The following PLCG2 variants were observed in gnomAD, a reference collection of about 807,000 sequenced individuals.
The protein encoded by PLCG2 is phospholipase C gamma 2.
Under a neutral mutation model 175.6 loss-of-function variants are expected in PLCG2, and 69 were observed. That is an observed-to-expected ratio of 0.39 (90% CI 0.32 to 0.48). PLCG2 has a LOEUF of 0.48. Ranked by LOEUF, PLCG2 falls within the 20% of genes least tolerant of loss-of-function variation. The pLI, the probability that PLCG2 is intolerant of heterozygous loss-of-function variation, is 0.91. For synonymous variants in PLCG2, 827 were observed against 624.0 expected, an observed-to-expected ratio of 1.33 and a Z score of -4.85; for missense variants, 1,798 against 1,650.9, an observed-to-expected ratio of 1.09 and a Z score of -1.54.
intron 2 of PLCG2, among the ~76,000 whole-genome samples, chr16:81,823,866 C>G (rs1439860805): frequency 6.6e-6 from 1 of 151,506 alleles, no homozygotes; most frequent in Non-Finnish European, 1.5e-5. Context: ...TCCTTCTTTT[C>G]TTTTCTTTTT....
intron 5 of PLCG2, among the ~76,000 whole-genome samples, chr16:81,865,493 G>A (rs1280175332): frequency 1.3e-5 from 2 of 152,296 alleles, no homozygotes; most frequent in Admixed American, 1.3e-4. Context: ...GGACCAGGTG[G>A]GCTCCCATGT....
At chr16:81,871,673 A>C (rs758534540) in intron 7 of PLCG2, among the ~76,000 whole-genome samples, 7 of 152,132 alleles carry the variant, frequency 4.6e-5, no homozygotes, top group Non-Finnish European at 1.0e-4. Flanking sequence ...TTATGAGGGC[A>C]TATTTTTTGA....
intron 2 of PLCG2, among the ~76,000 whole-genome samples, chr16:81,802,137 G>A (rs1422410272): frequency 2.0e-5 from 1 of 49,986 alleles, no homozygotes; most frequent in Middle Eastern, 0.018. Flanking sequence ...TTTTTGAGAC[G>A]GATCTCGCTC....
intron 25 of PLCG2, among the ~76,000 whole-genome samples, chr16:81,932,547 T>C (rs1181788278): frequency 6.6e-6 from 1 of 152,226 alleles, no homozygotes; most frequent in Non-Finnish European, 1.5e-5. Context: ...TTGTGCCCTC[T>C]GACTTCTGGC....
intron 15 of PLCG2, among the ~76,000 whole-genome samples, chr16:81,906,780 C>T (rs1021375565): frequency 2.0e-5 from 3 of 152,194 alleles, no homozygotes; most frequent in Admixed American, 1.3e-4. Context: ...TGGCTCATGC[C>T]TATAATCCTA....
chr16:81,847,428 C>T (rs1464100585), intron 2 of PLCG2, among the ~76,000 whole-genome samples: 3 of 152,010 alleles, frequency 2.0e-5, no homozygotes, highest in Admixed American at 1.3e-4. Flanking sequence ...CCTTCCTGGA[C>T]GTTGGGGGTA....
intron 2 of PLCG2, among the ~76,000 whole-genome samples, chr16:81,825,097 C>T (rs1445186223): frequency 1.3e-5 from 2 of 152,150 alleles, no homozygotes; most frequent in African/African-American, 2.4e-5. Context: ...CTGCTGACTC[C>T]TTGGTCTTAG....
intron 2 of PLCG2, among the ~76,000 whole-genome samples, chr16:81,772,558 C>G (rs979041518): frequency 1.3e-5 from 2 of 151,824 alleles, no homozygotes; most frequent in African/African-American, 4.8e-5. Flanking sequence ...GCCTATAATC[C>G]CAGCACTTTG....
intron 17 of PLCG2, among the ~76,000 whole-genome samples, chr16:81,910,292 T>C (rs781692628): frequency 3.3e-5 from 5 of 152,172 alleles, no homozygotes; most frequent in Non-Finnish European, 7.4e-5. Context: ...GATTTCACTG[T>C]ATTGGCCAGG....
intron 31 of PLCG2, among the ~76,000 whole-genome samples, chr16:81,949,589 G>A (rs1911286561): frequency 6.6e-6 from 1 of 152,138 alleles, no homozygotes; most frequent in Non-Finnish European, 1.5e-5. Context: ...GAAATCTTGA[G>A]GCAGCCCCTG....
At chr16:81,859,020 A>C in intron 4 of PLCG2, 96 bp from the exon 5 acceptor site, 1 of 721,950 alleles carries the variant, frequency 1.4e-6, no homozygotes, top group Non-Finnish European at 2.4e-6. Context: ...TTTTGGTTCC[A>C]GTTCCTTTTG....
At chr16:81,882,760 C>G (rs1372691839) in intron 8 of PLCG2, among the ~76,000 whole-genome samples, 2 of 152,028 alleles carry the variant, frequency 1.3e-5, no homozygotes, top group Non-Finnish European at 2.9e-5. Flanking sequence ...GCTCACCCCA[C>G]CTCATTCTGG....
chr16:81,846,408 A>G (rs958899248), intron 2 of PLCG2, among the ~76,000 whole-genome samples: 1 of 152,182 alleles, frequency 6.6e-6, no homozygotes, highest in African/African-American at 2.4e-5. Context: ...CCCAGTAAAC[A>G]CTTGAGCAAG....
At chr16:81,801,078 A>G (rs899823440) in intron 2 of PLCG2, among the ~76,000 whole-genome samples, 3 of 152,096 alleles carry the variant, frequency 2.0e-5, no homozygotes, top group Non-Finnish European at 4.4e-5. Context: ...GCCCCATGAG[A>G]CTCATGACTT....
Position 81,768,841 on chromosome 16 carries a change from A to G in PLCG2, c.-48+12875A>G, listed in dbSNP as rs548633591. ...CTCGGCCTCCCAAAGTACTGGGATTACAGGTGTGAGCCACCGTGCCCAGCC... is the reference window on the plus strand; with the variant it reads ...CTCGGCCTCCCAAAGTACTGGGATTGCAGGTGTGAGCCACCGTGCCCAGCC... On this transcript the variant is annotated intron_variant, in intron 2 of 5. Coordinates refer to the PLCG2 transcript ENST00000565054. Among the ~76,000 whole-genome samples, 7 of 152,250 alleles carry G rather than the reference A, an allele frequency of 4.6e-5. No individual in the cohort carries two copies. In the South Asian group the frequency reaches 1.5e-3, roughly 32 times the overall value.
At position 81,835,570 on chromosome 16, in the gene PLCG2, C is replaced by G. The variant is rs534915319; in HGVS notation, c.194-18874C>G. 2.0e-5 allele frequency among the ~76,000 whole-genome samples: 3 copies of G among 150,378 alleles called. No individual in the cohort carries two copies. In the Admixed American group the frequency reaches 2.0e-4, roughly 10 times the overall value. On this transcript the variant is annotated intron_variant, in intron 2 of 32. Coordinates refer to ENST00000564138, the MANE Select transcript of PLCG2 (RefSeq NM_002661.5). Reference sequence around the variant, plus strand: ...CTCTAGCCTGGGCGACAGAGCAAGACTCGGTCTCAAATATAATAATAATAA... The same window carrying G: ...CTCTAGCCTGGGCGACAGAGCAAGAGTCGGTCTCAAATATAATAATAATAA...
chr16:81,946,885 AGACCC>A (rs1911172280), intron 31 of PLCG2, among the ~76,000 whole-genome samples: 1 of 17,038 alleles, frequency 5.9e-5, no homozygotes, highest in African/African-American at 1.3e-4. Context: ...GTGAGCATGA[AGACCC>A]TTTGCTTAGT....
At chr16:81,920,659 G>A (rs76789431) in intron 20 of PLCG2, among the ~76,000 whole-genome samples, 534 of 152,262 alleles carry the variant, frequency 3.5e-3, no homozygotes, top group African/African-American at 0.012. Flanking sequence ...GTGACATGAG[G>A]AACAGAAAGA....
intron 31 of PLCG2, among the ~76,000 whole-genome samples, chr16:81,953,004 A>C (rs1344886299): frequency 1.3e-5 from 2 of 152,254 alleles, no homozygotes; most frequent in Admixed American, 1.3e-4. Context: ...GTACTTCCTG[A>C]GGTGAGACGC....
Sources: gnomAD v4.1 joint callset for allele counts (sites outside exome capture counted in the v4.1 genomes callset) on GRCh38, gnomAD v4.1.1 for gene constraint, MANE v1.5 for transcripts, NCBI Gene and HGNC (gene_info 2026-07-23, HGNC 2026-07-21) for gene names.